The following MSRA variants were observed in gnomAD, a reference collection of about 807,000 sequenced individuals.
MSRA encodes the protein mitochondrial peptide methionine sulfoxide reductase.
In MSRA, 54 loss-of-function variants were observed where a neutral mutation model predicts 31.3. That is an observed-to-expected ratio of 1.73 (90% CI 1.39 to 2.17). The LOEUF (loss-of-function observed/expected upper bound fraction) is 2.17, where lower values mean the gene tolerates loss of function less well. MSRA is among the 30% of genes most tolerant of loss of function. The pLI, the probability that MSRA is intolerant of heterozygous loss-of-function variation, is 0.00. For synonymous variants in MSRA, 169 were observed against 116.5 expected (o/e 1.45, Z -2.90); for missense variants, 507 against 300.9 (o/e 1.69, Z -5.07).
At chr8:10,356,536 C>T (rs1158941319) in intron 5 of MSRA, among the ~76,000 whole-genome samples, 4 of 152,196 alleles carry the variant, frequency 2.6e-5, no homozygotes, top group East Asian at 1.9e-4. Flanking sequence ...TGCTATGTCC[C>T]ACTCAAATTC....
intron 5 of MSRA, among the ~76,000 whole-genome samples, chr8:10,325,804 G>A (rs1281220072): frequency 6.6e-6 from 1 of 152,202 alleles, no homozygotes; most frequent in African/African-American, 2.4e-5. Flanking sequence ...AAGGAGAGCA[G>A]GGAGCTGAAG....
At chr8:10,330,144 A>G (rs1238597902) in intron 5 of MSRA, among the ~76,000 whole-genome samples, 1 of 149,448 alleles carries the variant, frequency 6.7e-6, no homozygotes, top group Non-Finnish European at 1.5e-5. Context: ...CCAATTTTTA[A>G]ATGATCTAAG....
At chr8:10,427,476 T>G (rs888516230) in intron 5 of MSRA, among the ~76,000 whole-genome samples, 1 of 152,194 alleles carries the variant, frequency 6.6e-6, no homozygotes, top group South Asian at 2.1e-4. Flanking sequence ...GGCCACATCC[T>G]GCCCTGCCCT....
intron 5 of MSRA, among the ~76,000 whole-genome samples, chr8:10,408,850 A>G (rs1368966111): frequency 6.7e-6 from 1 of 149,242 alleles, no homozygotes; most frequent in East Asian, 2.0e-4. Context: ...TATTTCACTT[A>G]GCATAATGGC....
intron 1 of MSRA, among the ~76,000 whole-genome samples, chr8:10,088,555 C>T (rs142209972): frequency 3.9e-5 from 6 of 152,006 alleles, no homozygotes; most frequent in Admixed American, 1.3e-4. Flanking sequence ...GCCAACATGG[C>T]GAAACCCCAT....
intron 1 of MSRA, among the ~76,000 whole-genome samples, chr8:10,199,271 A>G (rs1479403011): frequency 6.6e-6 from 1 of 152,072 alleles, no homozygotes; most frequent in Admixed American, 6.5e-5. Flanking sequence ...AATAGGGGGC[A>G]TGGTAGGCTC....
chr8:10,056,133 T>TCCTC (rs1370108557), intron 1 of MSRA, among the ~76,000 whole-genome samples: 2 of 143,862 alleles, frequency 1.4e-5, no homozygotes, highest in African/African-American at 5.2e-5. Context: ...ATGCCAGACT[T>TCCTC]CCTCAGCTTG....
chr8:10,101,822 TG>T (rs1167649659), intron 1 of MSRA, among the ~76,000 whole-genome samples: 4 of 152,244 alleles, frequency 2.6e-5, no homozygotes, highest in Non-Finnish European at 4.4e-5. Context: ...ACCTTTTGGC[TG>T]TTGTGAATAA....
At chr8:10,399,109 A>G (rs1937732320) in intron 5 of MSRA, among the ~76,000 whole-genome samples, 1 of 152,260 alleles carries the variant, frequency 6.6e-6, no homozygotes, top group Non-Finnish European at 1.5e-5. Flanking sequence ...GCAAAACTTT[A>G]AAGATGGAAC....
chr8:10,061,725 A>C (rs964218076), intron 1 of MSRA, among the ~76,000 whole-genome samples: 1 of 152,206 alleles, frequency 6.6e-6, no homozygotes, highest in Non-Finnish European at 1.5e-5. Context: ...CAGAGAAGTT[A>C]ACAGAGCTGC....
At chr8:10,094,340 G>C (rs539383767) in intron 1 of MSRA, among the ~76,000 whole-genome samples, 1 of 152,216 alleles carries the variant, frequency 6.6e-6, no homozygotes, top group African/African-American at 2.4e-5. Context: ...ATGGAAGGCT[G>C]TATGCAAGAC....
intron 5 of MSRA, among the ~76,000 whole-genome samples, chr8:10,332,225 A>G (rs1802743397): frequency 6.6e-6 from 1 of 152,222 alleles, no homozygotes; most frequent in Non-Finnish European, 1.5e-5. Flanking sequence ...GTACCGAAAG[A>G]CTGTTGTTTT....
chr8:10,210,079 G>T (rs1809340613), intron 2 of MSRA, among the ~76,000 whole-genome samples: 1 of 152,068 alleles, frequency 6.6e-6, no homozygotes. Context: ...GGATTTGGGG[G>T]GTTTTGAGGG....
chr8:10,331,056 A>G (rs1452092061), intron 5 of MSRA, among the ~76,000 whole-genome samples: 1 of 152,192 alleles, frequency 6.6e-6, no homozygotes, highest in East Asian at 1.9e-4. Flanking sequence ...TTCTTGCTGC[A>G]CACAGAAGTC....
At chr8:10,097,067 A>G (rs916685655) in intron 1 of MSRA, among the ~76,000 whole-genome samples, 2 of 152,210 alleles carry the variant, frequency 1.3e-5, no homozygotes, top group Non-Finnish European at 1.5e-5. Context: ...AAACCTGTCT[A>G]TAGCTTTCCA....
chr8:10,269,651 T>C (rs1025613906), intron 3 of MSRA, among the ~76,000 whole-genome samples: 1 of 151,760 alleles, frequency 6.6e-6, no homozygotes, highest in African/African-American at 2.4e-5. Flanking sequence ...TTGTTGTTTG[T>C]TTGTTTTTTT....
At position 10,145,149 on chromosome 8, in the gene MSRA, G is replaced by T. The variant is rs572485897; in HGVS notation, c.143-62684G>T. ...AATGAAGTCTAATTTTTCACTGGCG[G>T]AGCTGAGTCAAACTCCAGGGACAGG... On this transcript the variant is annotated intron_variant, in intron 1 of 5. Transcript: ENST00000317173. Among the ~76,000 whole-genome samples, 5 of 152,320 alleles carry T rather than the reference G, an allele frequency of 3.3e-5. No homozygotes were observed. The South Asian group carries it at 1.0e-3, about 32-fold the overall frequency.
At chr8:10,315,492 C>A (rs1801661000) in intron 4 of MSRA, among the ~76,000 whole-genome samples, 1 of 152,190 alleles carries the variant, frequency 6.6e-6, no homozygotes, top group Non-Finnish European at 1.5e-5. Context: ...AGACACTTAA[C>A]TGTGCGTATC....
intron 1 of MSRA, among the ~76,000 whole-genome samples, chr8:10,203,085 T>C (rs1765700402): frequency 6.6e-6 from 1 of 152,112 alleles, no homozygotes; most frequent in Non-Finnish European, 1.5e-5. Context: ...TTTAAGAACC[T>C]GTTATCTTTG....
Sources: allele counts gnomAD v4.1 joint callset (sites outside exome capture counted in the v4.1 genomes callset), GRCh38; gene constraint gnomAD v4.1.1; transcripts MANE v1.5; gene names NCBI Gene and HGNC (gene_info 2026-07-23, HGNC 2026-07-21).